Variants in STPG2 observed in about 807,000 individuals in gnomAD.
STPG2 encodes sperm tail PG-rich repeat containing 2.
In STPG2, 56 loss-of-function variants were observed where a neutral mutation model predicts 54.2. The ratio of observed to expected loss-of-function variants is 1.03; its 90% CI spans 0.83 to 1.29. The LOEUF (loss-of-function observed/expected upper bound fraction) is 1.29, where lower values mean the gene tolerates loss of function less well. Ranked by LOEUF, STPG2 falls within the 50% of genes most tolerant of loss-of-function variation. The pLI, the probability that STPG2 is intolerant of heterozygous loss-of-function variation, is 0.00. For synonymous variants in STPG2, 200 were observed against 181.8 expected (o/e 1.10, Z -0.81); for missense variants, 596 against 544.9 (o/e 1.09, Z -0.93).
intron 4 of STPG2, among the ~76,000 whole-genome samples, chr4:97,506,376 C>T (rs955522938): frequency 5.3e-5 from 8 of 151,532 alleles, no homozygotes; most frequent in African/African-American, 1.5e-4. Context: ...TTGGAGGCGC[C>T]GACCTGAACT....
intron 10 of STPG2, among the ~76,000 whole-genome samples, chr4:97,575,815 A>T (rs1732708410): frequency 2.6e-5 from 4 of 152,180 alleles, no homozygotes. Flanking sequence ...GGAAAAGAAG[A>T]TGTCAAATTA....
intron 9 of STPG2, among the ~76,000 whole-genome samples, chr4:97,768,269 G>A (rs1270261232): frequency 2.0e-5 from 3 of 151,964 alleles, no homozygotes; most frequent in Non-Finnish European, 4.4e-5. Context: ...GACTTAAAAT[G>A]GGTGGATATT....
At chr4:97,755,961 C>T (rs1725719490) in intron 9 of STPG2, among the ~76,000 whole-genome samples, 1 of 152,146 alleles carries the variant, frequency 6.6e-6, no homozygotes, top group African/African-American at 2.4e-5. Flanking sequence ...AAGCTGGCAC[C>T]ATGACATAGA....
chr4:98,057,447 G>T (rs914327832), intron 5 of STPG2, among the ~76,000 whole-genome samples: 1 of 151,196 alleles, frequency 6.6e-6, no homozygotes, highest in Non-Finnish European at 1.5e-5. Context: ...ACCAAGTGAA[G>T]GAAAGAATCT....
intron 9 of STPG2, among the ~76,000 whole-genome samples, chr4:97,810,378 C>T (rs755743923): frequency 1.3e-5 from 2 of 151,152 alleles, no homozygotes; most frequent in Admixed American, 6.6e-5. Context: ...GCAGGAGAAT[C>T]GCTTGAACCC....
intron 5 of STPG2, among the ~76,000 whole-genome samples, chr4:98,009,485 T>C (rs892843716): frequency 2.0e-5 from 3 of 152,058 alleles, no homozygotes; most frequent in African/African-American, 2.4e-5. Flanking sequence ...TAAGTCTTGT[T>C]TTGTAGTCCA....
At chr4:97,637,685 C>A (rs1427063687) in intron 10 of STPG2, among the ~76,000 whole-genome samples, 1 of 152,130 alleles carries the variant, frequency 6.6e-6, no homozygotes, top group Non-Finnish European at 1.5e-5. Flanking sequence ...CACAAGCATT[C>A]CTATACACCA....
intron 10 of STPG2, among the ~76,000 whole-genome samples, chr4:97,627,542 G>A (rs1734165523): frequency 6.6e-6 from 1 of 152,154 alleles, no homozygotes; most frequent in Non-Finnish European, 1.5e-5. Flanking sequence ...TCTCATGTAA[G>A]ATAGTACAAA....
chr4:97,459,260 G>T (rs1451423766), intron 4 of STPG2, among the ~76,000 whole-genome samples: 5 of 151,966 alleles, frequency 3.3e-5, no homozygotes, highest in Non-Finnish European at 7.4e-5. Context: ...TCAACATTTG[G>T]ATTTTTCAAA....
chr4:97,825,228 T>C (rs1156493814), intron 9 of STPG2, among the ~76,000 whole-genome samples: 2 of 152,182 alleles, frequency 1.3e-5, no homozygotes, highest in Non-Finnish European at 1.5e-5. Context: ...TAAGGCTCTG[T>C]TCTGATTTGC....
At chr4:97,992,052 T>C (rs913738549) in intron 5 of STPG2, among the ~76,000 whole-genome samples, 1 of 152,120 alleles carries the variant, frequency 6.6e-6, no homozygotes, top group Non-Finnish European at 1.5e-5. Context: ...ATGGGTTATC[T>C]GTTTACCCTG....
At chr4:97,502,893 T>C (rs1184235276) in intron 4 of STPG2, among the ~76,000 whole-genome samples, 1 of 151,304 alleles carries the variant, frequency 6.6e-6, no homozygotes, top group African/African-American at 2.4e-5. Context: ...AATAGCAATC[T>C]CTCTCTCTCT....
At chr4:97,564,235 A>T (rs1001289685) in intron 10 of STPG2, among the ~76,000 whole-genome samples, 4 of 152,086 alleles carry the variant, frequency 2.6e-5, no homozygotes, top group African/African-American at 9.7e-5. Flanking sequence ...AGTCTGTTTT[A>T]TCAGAGACTA....
chr4:97,457,529 T>C (rs1729559222), intron 4 of STPG2, among the ~76,000 whole-genome samples: 1 of 152,210 alleles, frequency 6.6e-6, no homozygotes, highest in Non-Finnish European at 1.5e-5. Flanking sequence ...ACACCTTATA[T>C]AAGTTTTCAC....
chr4:97,981,286 A>G lies in STPG2; in HGVS notation c.645T>C (p.Ala215=). ...RFLPMKSITP[A]PGTYNEPRTA... ...TTCGAGGTTCATTATATGTGCCAGGAGCCGGGGTGATTGATTTCATAGGTA... is the reference window on the plus strand; with the variant it reads ...TTCGAGGTTCATTATATGTGCCAGGGGCCGGGGTGATTGATTTCATAGGTA... Residue 215 remains alanine (A), a synonymous_variant, in exon 6 of 11, where the codon GCT becomes GCC. Coordinates refer to ENST00000295268, the MANE Select transcript of STPG2 (RefSeq NM_174952.3). The G allele has an allele frequency of 6.2e-7, 1 of 1,614,020 alleles. No homozygotes were observed. The highest frequency in any genetic ancestry group is 8.5e-7 in the Non-Finnish European group (1 of 1,179,962).
chr4:97,751,970 G>A (rs1393267758), intron 9 of STPG2, among the ~76,000 whole-genome samples: 3 of 151,314 alleles, frequency 2.0e-5, no homozygotes, highest in East Asian at 1.9e-4. Context: ...ATAATGTTCC[G>A]GACTCCCAAG....
intron 5 of STPG2, among the ~76,000 whole-genome samples, chr4:98,022,329 A>G (rs2149292384): frequency 6.6e-6 from 1 of 151,994 alleles, no homozygotes. Flanking sequence ...TTTCTTTAAG[A>G]ATGTTGAATA....
At chr4:97,952,752 G>T (rs1733521375) in intron 7 of STPG2, among the ~76,000 whole-genome samples, 1 of 152,162 alleles carries the variant, frequency 6.6e-6, no homozygotes, top group Non-Finnish European at 1.5e-5. Context: ...AAATGCTGGT[G>T]GTGGTAGTAA....
intron 8 of STPG2, among the ~76,000 whole-genome samples, chr4:97,863,258 A>AG (rs1729628800): frequency 6.6e-6 from 1 of 152,316 alleles, no homozygotes; most frequent in African/African-American, 2.4e-5. Context: ...AACATGATGA[A>AG]GGGGATATCA....
Sources: allele counts gnomAD v4.1 joint callset (sites outside exome capture counted in the v4.1 genomes callset), GRCh38; gene constraint gnomAD v4.1.1; transcripts MANE v1.5; gene names NCBI Gene and HGNC (gene_info 2026-07-23, HGNC 2026-07-21).